Variants in SLC38A11 observed in about 807,000 individuals in gnomAD.
SLC38A11 encodes putative sodium-coupled neutral amino acid transporter 11.
SLC38A11 carries 51 observed loss-of-function variants against 49.4 expected under a neutral mutation model. That is an observed-to-expected ratio of 1.03 (90% CI 0.83 to 1.30). SLC38A11 has a LOEUF of 1.30. Among genes scored for constraint, SLC38A11 ranks in the 50% most tolerant of loss-of-function variants. SLC38A11 has a pLI of 0.00. For synonymous variants in SLC38A11, 203 were observed against 192.9 expected (o/e 1.05, Z -0.43); for missense variants, 574 against 556.2 (o/e 1.03, Z -0.32).
At chr2:164,941,060 G>A (rs764634732) in intron 5 of SLC38A11, among the ~76,000 whole-genome samples, 1 of 151,940 alleles carries the variant, frequency 6.6e-6, no homozygotes, top group Admixed American at 6.6e-5. Flanking sequence ...TCAACAGGTA[G>A]GAGCCTAATA....
chr2:164,903,405 A>G (rs907233806), intron 11 of SLC38A11, among the ~76,000 whole-genome samples: 1 of 152,184 alleles, frequency 6.6e-6, no homozygotes, highest in Non-Finnish European at 1.5e-5. Context: ...TATTTATGTT[A>G]TAATTCTTAA....
At chr2:164,909,847 C>T (rs1685275179) in intron 10 of SLC38A11, among the ~76,000 whole-genome samples, 1 of 152,014 alleles carries the variant, frequency 6.6e-6, no homozygotes, top group East Asian at 1.9e-4. Flanking sequence ...TATGCAACAT[C>T]TCCCATGTGT....
intron 9 of SLC38A11, among the ~76,000 whole-genome samples, chr2:164,914,220 T>C (rs1685602979): frequency 6.6e-6 from 1 of 152,044 alleles, no homozygotes; most frequent in Non-Finnish European, 1.5e-5. Context: ...CAAAGGGTTG[T>C]CTGAAGGTCA....
At chr2:164,948,834 G>T (rs1574012864) in intron 3 of SLC38A11, among the ~76,000 whole-genome samples, 1 of 150,596 alleles carries the variant, frequency 6.6e-6, no homozygotes, top group African/African-American at 2.4e-5. Flanking sequence ...CACTTGTTCA[G>T]TTGCATTTTG....
At chr2:164,907,567 C>G (rs1304646090) in intron 11 of SLC38A11, among the ~76,000 whole-genome samples, 1 of 152,092 alleles carries the variant, frequency 6.6e-6, no homozygotes. Context: ...TCCTGGCCTC[C>G]TCTGTCTTCA....
intron 11 of SLC38A11, among the ~76,000 whole-genome samples, chr2:164,907,786 A>G (rs1452190677): frequency 6.6e-6 from 1 of 152,208 alleles, no homozygotes; most frequent in East Asian, 1.9e-4. Flanking sequence ...AATAATCATT[A>G]TCGGAAATAA....
intron 7 of SLC38A11, among the ~76,000 whole-genome samples, chr2:164,930,290 GAGAACGATTC>G (rs1034538790): frequency 1.9e-4 from 29 of 152,012 alleles, no homozygotes; most frequent in African/African-American, 7.0e-4. Context: ...AGCCCAGGAC[GAGAACGATTC>G]ACGGCTGAAT....
Position 164,898,736 on chromosome 2 carries a change from T to C in SLC38A11, c.1096-6A>G. The C allele has an allele frequency of 1.3e-6, 2 of 1,598,560 alleles. No homozygotes were observed. Among genetic ancestry groups the C allele is most frequent in the Non-Finnish European group, 1.7e-6 (2 of 1,170,558 alleles). On this transcript the variant is annotated splice_region_variant and splice_polypyrimidine_tract_variant and intron_variant, in intron 11 of 11. Coordinates refer to ENST00000685975, the MANE Select transcript of SLC38A11 (RefSeq NM_001351537.2). ...GGAGTTGCACAGAGCACACCCTGCA[T>C]GTTGAAAACAAGAAACAAGATAATG...
intron 11 of SLC38A11, among the ~76,000 whole-genome samples, chr2:164,905,403 A>T (rs1684931171): frequency 6.6e-6 from 1 of 152,112 alleles, no homozygotes; most frequent in South Asian, 2.1e-4. Flanking sequence ...AAGTGCTGGG[A>T]TTACAGGCAT....
chr2:164,915,688 T>G, intron 8 of SLC38A11: 2 of 499,296 alleles, frequency 4.0e-6, no homozygotes, highest in Non-Finnish European at 3.6e-6. Context: ...AGTTTCTGCA[T>G]GAGAAATAGA....
chr2:164,930,713 C>T (rs567468083), intron 7 of SLC38A11, among the ~76,000 whole-genome samples: 4 of 152,048 alleles, frequency 2.6e-5, no homozygotes, highest in South Asian at 4.1e-4. Context: ...CACCGCTTCA[C>T]GTTAAAAACT....
At chr2:164,944,812 G>C (rs1407163604) in intron 4 of SLC38A11, among the ~76,000 whole-genome samples, 178 bp from the exon 5 acceptor site, 1 of 152,080 alleles carries the variant, frequency 6.6e-6, no homozygotes. Flanking sequence ...ATCTATGGTA[G>C]AGTATCAATT....
chr2:164,907,675 T>C (rs1006505876), intron 11 of SLC38A11, among the ~76,000 whole-genome samples: 61 of 152,184 alleles, frequency 4.0e-4, no homozygotes, highest in African/African-American at 1.5e-3. Flanking sequence ...TGGCACATAG[T>C]AATTACTCAA....
chr2:164,930,222 G>GA (rs1278718890), intron 7 of SLC38A11, among the ~76,000 whole-genome samples: 1 of 151,924 alleles, frequency 6.6e-6, no homozygotes, highest in Non-Finnish European at 1.5e-5. Flanking sequence ...AATCCCTGAA[G>GA]AGACCAATAA....
chr2:164,945,921 A>G (rs1447133717), intron 3 of SLC38A11, among the ~76,000 whole-genome samples, 194 bp from the exon 4 acceptor site: 1 of 152,202 alleles, frequency 6.6e-6, no homozygotes, highest in African/African-American at 2.4e-5. Context: ...TTCCAGTTAC[A>G]TATTTTTCAA....
intron 3 of SLC38A11, among the ~76,000 whole-genome samples, chr2:164,947,171 G>A (rs1409917410): frequency 4.4e-5 from 5 of 113,050 alleles, no homozygotes; most frequent in Admixed American, 2.3e-4. Flanking sequence ...TTGCTCTGTC[G>A]CCCAGATTGG....
intron 3 of SLC38A11, among the ~76,000 whole-genome samples, chr2:164,947,817 C>T (rs1688242529): frequency 6.6e-6 from 1 of 152,026 alleles, no homozygotes; most frequent in African/African-American, 2.4e-5. Context: ...TCAAATGTAG[C>T]CCCTAATTTG....
intron 8 of SLC38A11, 24 bp downstream of exon 8, chr2:164,915,879 G>A (rs1460653839): frequency 1.2e-5 from 19 of 1,567,314 alleles, no homozygotes; most frequent in Non-Finnish European, 1.7e-5. Context: ...CATTGAGAAA[G>A]GGCCTTTGAA....
chr2:164,933,083 A>G (rs983375676), intron 7 of SLC38A11, among the ~76,000 whole-genome samples: 1 of 152,106 alleles, frequency 6.6e-6, no homozygotes, highest in African/African-American at 2.4e-5. Context: ...TAAAATTTAA[A>G]GTATGGACTC....
Sources: allele counts gnomAD v4.1 joint callset (sites outside exome capture counted in the v4.1 genomes callset), GRCh38; gene constraint gnomAD v4.1.1; transcripts MANE v1.5; gene names NCBI Gene and HGNC (gene_info 2026-07-23, HGNC 2026-07-21).